Variants in MAN1C1 observed in about 807,000 individuals in gnomAD.
The protein encoded by MAN1C1 is mannosyl-oligosaccharide 1,2-alpha-mannosidase IC.
Under a neutral mutation model 71.5 loss-of-function variants are expected in MAN1C1, and 49 were observed. The ratio of observed to expected loss-of-function variants is 0.69; its 90% confidence interval spans 0.54 to 0.87. The LOEUF (loss-of-function observed/expected upper bound fraction) is 0.87. MAN1C1 is among the 40% of genes least tolerant of loss of function. The pLI is 0.00. For synonymous variants in MAN1C1, 352 were observed against 343.7 expected (o/e 1.02, Z -0.27); for missense variants, 743 against 835.0 (o/e 0.89, Z 1.36).
At position 25,715,420 on chromosome 1, in the gene MAN1C1, G is replaced by A. The variant is rs116998852; in HGVS notation, c.637+28884G>A. ...GGACCCGTCAACTAGAGAAAGTATA[G>A]GTGGATGCTGGGCTGTGAAACCCTA... On this transcript the variant is annotated intron_variant, in intron 2 of 11. Coordinates refer to ENST00000374332, the MANE Select transcript of MAN1C1 (RefSeq NM_020379.4). 4.3e-4 allele frequency among the ~76,000 whole-genome samples: 65 copies of A among 152,308 alleles called. No individual in the cohort carries two copies. The East Asian group carries it at 9.4e-3, about 22-fold the overall frequency.
rs996082673 is a variant in MAN1C1 at position 25,776,937 on chromosome 1, C to A, written c.1258-1168C>A. Among the ~76,000 whole-genome samples, 1 of 152,112 alleles carries A rather than the reference C, an allele frequency of 6.6e-6. No individual in the cohort carries two copies. The highest frequency in any genetic ancestry group is 1.5e-5 in the Non-Finnish European group (1 of 68,026). On this transcript the variant is annotated intron_variant, in intron 8 of 11. Coordinates refer to ENST00000374332, the MANE Select transcript of MAN1C1 (RefSeq NM_020379.4). The surrounding 1 kb of genome is among the most constrained non-coding windows in gnomAD (Gnocchi z 4.3). Reference sequence around the variant, plus strand: ...TTAATGCTCTTATCCCCAGTTTACACGTTAGGAAACTGAGGCACAGAGAGA... The same window carrying A: ...TTAATGCTCTTATCCCCAGTTTACAAGTTAGGAAACTGAGGCACAGAGAGA...
At chr1:25,724,532 C>A (rs998248299) in intron 2 of MAN1C1, among the ~76,000 whole-genome samples, 1 of 151,466 alleles carries the variant, frequency 6.6e-6, no homozygotes, top group African/African-American at 2.4e-5. Flanking sequence ...TTTTTCAAGC[C>A]TCTGCGTGTG....
intron 1 of MAN1C1, among the ~76,000 whole-genome samples, chr1:25,668,534 C>G (rs994473121): frequency 6.6e-6 from 1 of 150,376 alleles, no homozygotes; most frequent in African/African-American, 2.5e-5. Context: ...GGGTTTGAAT[C>G]CAAGCCTTCT....
chr1:25,652,642 G>A (rs756182654), intron 1 of MAN1C1, among the ~76,000 whole-genome samples: 5 of 152,220 alleles, frequency 3.3e-5, no homozygotes, highest in East Asian at 1.9e-4. Context: ...GAAGCAGAGC[G>A]TGGGTGCCCT....
chr1:25,768,182 T>C, intron 7 of MAN1C1, among the ~76,000 whole-genome samples: 1 of 81,616 alleles, frequency 1.2e-5, no homozygotes, highest in Admixed American at 1.4e-4. Context: ...ACACCCACAG[T>C]CCCCTCACAT....
At chr1:25,642,973 TGATA>T (rs982928214) in intron 1 of MAN1C1, among the ~76,000 whole-genome samples, 2 of 152,176 alleles carry the variant, frequency 1.3e-5, no homozygotes, top group Admixed American at 6.5e-5. Flanking sequence ...GATGCTATGG[TGATA>T]GATTGATTGG....
intron 1 of MAN1C1, among the ~76,000 whole-genome samples, chr1:25,649,419 A>G (rs2045659326): frequency 6.6e-6 from 1 of 152,194 alleles, no homozygotes. Flanking sequence ...GGCTGGTTGG[A>G]TGCCTCTGGT....
At chr1:25,756,441 A>T (rs2047287357) in intron 5 of MAN1C1, among the ~76,000 whole-genome samples, 1 of 142,084 alleles carries the variant, frequency 7.0e-6, no homozygotes, top group Non-Finnish European at 1.6e-5. Context: ...GGTGGGAGAG[A>T]GGAAGGAGAG....
intron 2 of MAN1C1, among the ~76,000 whole-genome samples, chr1:25,737,290 C>T (rs2046995193): frequency 6.6e-6 from 1 of 152,236 alleles, no homozygotes; most frequent in Non-Finnish European, 1.5e-5. Flanking sequence ...CCATTGGCTG[C>T]AGTAATCATT....
At chr1:25,645,455 G>A (rs1007235507) in intron 1 of MAN1C1, 2 of 152,174 alleles carry the variant, frequency 1.3e-5, no homozygotes, top group African/African-American at 4.8e-5. Flanking sequence ...ATGCATCTCT[G>A]GCCTGGCCAC....
At chr1:25,757,592 A>C (rs554748620) in intron 5 of MAN1C1, among the ~76,000 whole-genome samples, 1 of 152,318 alleles carries the variant, frequency 6.6e-6, no homozygotes, top group East Asian at 1.9e-4. Context: ...AGGAGGCATG[A>C]ACCTAGGAGA....
At position 25,634,169 on chromosome 1, in the gene MAN1C1, A is replaced by G. The variant is rs1022208864; in HGVS notation, c.540+15832A>G. Reference sequence around the variant, plus strand: ...TGTTATGTATACAATCATGTTGTCTATGTCAAGACAGTCTTACTTCTTCCT... The same window carrying G: ...TGTTATGTATACAATCATGTTGTCTGTGTCAAGACAGTCTTACTTCTTCCT... On this transcript the variant is annotated intron_variant, in intron 1 of 11. Coordinates refer to ENST00000374332, the MANE Select transcript of MAN1C1 (RefSeq NM_020379.4). The surrounding 1 kb of genome is among the most constrained non-coding windows in gnomAD (Gnocchi z 4.6). 1.3e-5 allele frequency among the ~76,000 whole-genome samples: 2 copies of G among 152,148 alleles called. No homozygotes were observed. Among genetic ancestry groups the G allele is most frequent in the Non-Finnish European group, 2.9e-5 (2 of 68,028 alleles).
chr1:25,739,069 G>GATGC (rs1235222311), intron 2 of MAN1C1, among the ~76,000 whole-genome samples: 4 of 152,088 alleles, frequency 2.6e-5, no homozygotes, highest in Non-Finnish European at 5.9e-5. Flanking sequence ...GGAGTTCAAG[G>GATGC]ATGCAGTAAG....
chr1:25,635,538 C>A (rs2045446413), intron 1 of MAN1C1, among the ~76,000 whole-genome samples: 1 of 151,300 alleles, frequency 6.6e-6, no homozygotes, highest in Admixed American at 6.6e-5. Context: ...CAATCTCTGC[C>A]TCCCGAGTTC....
At chr1:25,734,396 T>G (rs944512403) in intron 2 of MAN1C1, among the ~76,000 whole-genome samples, 1 of 152,242 alleles carries the variant, frequency 6.6e-6, no homozygotes, top group African/African-American at 2.4e-5. Context: ...TTCAAAGTAC[T>G]GGGATTACTG....
rs1175254530 is a variant in MAN1C1 at position 25,618,151 on chromosome 1, C to A, written c.354C>A (p.Arg118=). Residue 118 remains arginine (R), a synonymous_variant, in exon 1 of 12, where the codon CGC becomes CGA. Transcript: ENST00000374332. The stretch of plus-strand genomic sequence containing the variant: ...GGCGCACCCGCCCCACTGGACCCCG[C>A]GAGGAGGCCACGGCGGCCCGGGGCA... ...GLRRTRPTGP[R]EEATAARGNS... is the part of the protein sequence containing the mutation. The A allele has an allele frequency of 6.5e-7, 1 of 1,539,292 alleles. No individual in the cohort carries two copies. The highest frequency in any genetic ancestry group is 2.0e-5 in the Admixed American group (1 of 49,528).
intron 1 of MAN1C1, among the ~76,000 whole-genome samples, chr1:25,671,035 C>T (rs1288449284): frequency 4.6e-5 from 7 of 152,254 alleles, no homozygotes; most frequent in African/African-American, 1.7e-4. Flanking sequence ...TGCCACCATG[C>T]CCAGTTAATT....
At chr1:25,744,863 C>T (rs2047107570) in intron 2 of MAN1C1, among the ~76,000 whole-genome samples, 1 of 152,198 alleles carries the variant, frequency 6.6e-6, no homozygotes, top group South Asian at 2.1e-4. Context: ...CCAGAGTTTC[C>T]ACTGCGGAAG....
In MAN1C1 at chr1:25,711,198, G is replaced by A. The variant is rs1411226032; in HGVS notation, c.637+24662G>A. ...CTCTTAAGACCTAGGCTCAGAACTGGCACACAGTCACTTCCTCTGCATCCT... is the reference window on the plus strand; with the variant it reads ...CTCTTAAGACCTAGGCTCAGAACTGACACACAGTCACTTCCTCTGCATCCT... On this transcript the variant is annotated intron_variant, in intron 2 of 11. Transcript: ENST00000374332. The surrounding 1 kb of genome is among the most constrained non-coding windows in gnomAD (Gnocchi z 4.3). Among the ~76,000 whole-genome samples, 2 of 152,180 alleles carry A rather than the reference G, an allele frequency of 1.3e-5. No individual in the cohort carries two copies. Among genetic ancestry groups the A allele is most frequent in the Non-Finnish European group, 2.9e-5 (2 of 68,036 alleles).
Sources: allele counts gnomAD v4.1 joint callset (sites outside exome capture counted in the v4.1 genomes callset), GRCh38; gene constraint gnomAD v4.1.1; non-coding constraint Gnocchi (gnomAD v3.1); transcripts MANE v1.5; gene names NCBI Gene and HGNC (gene_info 2026-07-23, HGNC 2026-07-21).